The following BARHL2 variants were observed in gnomAD, a reference collection of about 807,000 sequenced individuals.
BARHL2 encodes BarH like homeobox 2.
BARHL2 carries 10 observed loss-of-function variants against 27.1 expected under a neutral mutation model. The observed-to-expected ratio is 0.37, with a 90% confidence interval of 0.23 to 0.63. BARHL2 has a LOEUF of 0.63. BARHL2 is among the 20% of genes least tolerant of loss of function. The pLI, the probability that BARHL2 is intolerant of heterozygous loss-of-function variation, is 0.65. For missense variants in BARHL2, 483 were observed against 533.5 expected (o/e 0.91, Z 0.93); for synonymous variants, 248 against 224.7 (o/e 1.10, Z -0.93).
chr1:90,715,031 A>T (rs979990816), intron 1 of BARHL2, among the ~76,000 whole-genome samples: 2 of 152,036 alleles, frequency 1.3e-5, no homozygotes, highest in African/African-American at 2.4e-5. Context: ...AAAAGTAAAA[A>T]TTTTTTTAAA....
chr1:90,714,273 C>T (rs1017965364), intron 2 of BARHL2, among the ~76,000 whole-genome samples: 1 of 152,196 alleles, frequency 6.6e-6, no homozygotes, highest in Non-Finnish European at 1.5e-5. Flanking sequence ...GGAATTCCAG[C>T]GGCTCGGGTT....
At chr1:90,713,278 T>C (rs1339718692) in intron 2 of BARHL2, among the ~76,000 whole-genome samples, 1 of 152,186 alleles carries the variant, frequency 6.6e-6, no homozygotes, top group African/African-American at 2.4e-5. Flanking sequence ...AAGGGCAAAG[T>C]ACCTCCTGGC....
intron 2 of BARHL2, among the ~76,000 whole-genome samples, chr1:90,713,357 T>C (rs917629064): frequency 7.2e-5 from 11 of 152,304 alleles, no homozygotes; most frequent in Non-Finnish European, 1.3e-4. Flanking sequence ...AATTAAAACC[T>C]GTGATCAGCT....
intron 2 of BARHL2, among the ~76,000 whole-genome samples, chr1:90,713,068 C>CCG (rs1658069485): frequency 6.6e-6 from 1 of 152,150 alleles, no homozygotes; most frequent in East Asian, 1.9e-4. Context: ...TCTTCCTTCC[C>CCG]CGCCAGGCTG....
intron 2 of BARHL2, among the ~76,000 whole-genome samples, chr1:90,713,920 G>A (rs922762043): frequency 1.1e-4 from 17 of 152,206 alleles, no homozygotes; most frequent in Admixed American, 6.5e-4. Flanking sequence ...CTCCCTGTCC[G>A]GATGCTTGGC....
At chr1:90,715,170 C>CTTTTT (rs35625130) in intron 1 of BARHL2, among the ~76,000 whole-genome samples, 10 of 66,314 alleles carry the variant, frequency 1.5e-4, no homozygotes, top group African/African-American at 2.5e-4. Context: ...TCCCTCTACT[C>CTTTTT]TTTTTTTTTT....
intron 2 of BARHL2, 56 bp downstream of exon 2, chr1:90,714,475 A>C: frequency 6.7e-7 from 1 of 1,497,134 alleles, no homozygotes; most frequent in Non-Finnish European, 9.3e-7. Context: ...AGATTGGTAT[A>C]ATGATCATGA....
chr1:90,716,426 T>C, intron 1 of BARHL2, 145 bp downstream of exon 1: 1 of 839,182 alleles, frequency 1.2e-6, no homozygotes. Context: ...AGGCCTCCCT[T>C]CAGCTGCAGT....
Position 90,712,197 on chromosome 1 carries a change from T to G in BARHL2, c.*115A>C. On this transcript the variant is annotated 3_prime_UTR_variant, in exon 3 of 3. Coordinates refer to ENST00000370445, the MANE Select transcript of BARHL2 (RefSeq NM_020063.2). Reference sequence around the variant, plus strand: ...CATCTTCCTCTCTTACTCCTCTGCCTTCCAGAGTTGGCTGCAAGGGAGGCC... The same window carrying G: ...CATCTTCCTCTCTTACTCCTCTGCCGTCCAGAGTTGGCTGCAAGGGAGGCC... 1 of 1,177,928 alleles carries G rather than the reference T, an allele frequency of 8.5e-7. No individual in the cohort carries two copies. Among genetic ancestry groups the G allele is most frequent in the East Asian group, 2.7e-5 (1 of 37,668 alleles). 73.0% of individuals were successfully genotyped at this position (1,177,928 alleles called of 1,614,324 possible). A position where few individuals can be genotyped will look rare whatever the true frequency, so the allele number is the denominator to read the frequency against.
intron 2 of BARHL2, among the ~76,000 whole-genome samples, chr1:90,714,089 T>C (rs1658095209): frequency 6.6e-6 from 1 of 152,176 alleles, no homozygotes. Flanking sequence ...GTGGGACAGC[T>C]CTGTGGGAAT....
intron 1 of BARHL2, among the ~76,000 whole-genome samples, chr1:90,715,514 C>A (rs1658126767): frequency 6.6e-6 from 1 of 152,082 alleles, no homozygotes; most frequent in African/African-American, 2.4e-5. Flanking sequence ...ATCTTCCCTG[C>A]AGGAAGAACA....
At chr1:90,714,850 C>A in intron 1 of BARHL2, 94 bp from the exon 2 acceptor site, 1 of 1,210,806 alleles carries the variant, frequency 8.3e-7, no homozygotes, top group South Asian at 1.3e-5. Context: ...CCCAAGCCAA[C>A]TACTGGCTTC....
intron 1 of BARHL2, among the ~76,000 whole-genome samples, chr1:90,715,234 T>C (rs1658121934): frequency 6.7e-6 from 1 of 150,194 alleles, no homozygotes; most frequent in Non-Finnish European, 1.5e-5. Flanking sequence ...TTCTCTTTTC[T>C]GAAAGTTATA....
rs1658153725 is a variant in BARHL2, at chr1:90,716,716, G to A, written c.480C>T (p.Tyr160=). 3 of 1,609,358 alleles carry A rather than the reference G, an allele frequency of 1.9e-6. No homozygotes were observed. The highest frequency in any genetic ancestry group is 2.7e-5 in the African/African-American group (2 of 74,860). The change falls in exon 1 of 3, where the codon TAC becomes TAT. Residue 160 remains tyrosine (Y), a synonymous_variant. Transcript: ENST00000370445. ...GGTGGGGAGAGGATACGCTGGTGCTGTAGGGTGCACATGCCGCCAGAGGTT... is the reference window on the plus strand; with the variant it reads ...GGTGGGGAGAGGATACGCTGGTGCTATAGGGTGCACATGCCGCCAGAGGTT... ...DSKPLAACAP[Y]STSVSSPHHT... is the part of the protein sequence containing the mutation.
At position 90,711,815 on chromosome 1, in the gene BARHL2, CCCT is replaced by C. The variant is rs1288472295; in HGVS notation, c.*494_*496del. 6.6e-6 allele frequency: 1 copy of C among 151,812 alleles called. No individual in the cohort carries two copies. Among genetic ancestry groups the C allele is most frequent in the Non-Finnish European group, 1.5e-5 (1 of 68,108 alleles). 9.4% of individuals were successfully genotyped at this position (151,812 alleles called of 1,614,324 possible). A position where few individuals can be genotyped will look rare whatever the true frequency, so the allele number is the denominator to read the frequency against. The stretch of plus-strand genomic sequence containing the variant: ...GAAATCAGTGCAAAGTTCTCAGTTA[CCCT>C]CCTCTTTTCTCTGGGGCAGACGGAA... On this transcript the variant is annotated 3_prime_UTR_variant, in exon 3 of 3. Coordinates refer to ENST00000370445, the MANE Select transcript of BARHL2 (RefSeq NM_020063.2).
chr1:90,712,104 T>G lies in BARHL2; in HGVS notation c.*208A>C. ...CTGTGGGGGAGATTTCCAGCCCTGTTTCTAGGGGTGGGGAGATGGAGAGCA... is the reference window on the plus strand; with the variant it reads ...CTGTGGGGGAGATTTCCAGCCCTGTGTCTAGGGGTGGGGAGATGGAGAGCA... On this transcript the variant is annotated 3_prime_UTR_variant, in exon 3 of 3. Coordinates refer to ENST00000370445, the MANE Select transcript of BARHL2 (RefSeq NM_020063.2). 1 of 457,720 alleles carries G rather than the reference T, an allele frequency of 2.2e-6. No homozygotes were observed. The highest frequency in any genetic ancestry group is 3.7e-6 in the Non-Finnish European group (1 of 270,462). 28.4% of individuals were successfully genotyped at this position (457,720 alleles called of 1,614,324 possible).
chr1:90,716,876 G>A lies in BARHL2; in HGVS notation c.320C>T (p.Pro107Leu), dbSNP rs1570608913. ...CAGCGGCTGCTGCTGTTGGGGCAAA[G>A]GCTGCAAACTTTGCGTCGGGGCCGC... ...PAAAPTQSLQ[P>L]LPQQQQPLPP... The change falls in exon 1 of 3, where the codon CCT becomes CTT. Residue 107 changes from proline to leucine, a missense_variant. Pro to Leu is a moderately conservative substitution (Grantham distance 98). Around this residue, in one of 3 missense-constraint regions of BARHL2, gnomAD observed 304 missense variants for 284.9 expected, o/e 1.07. Coordinates refer to ENST00000370445, the MANE Select transcript of BARHL2 (RefSeq NM_020063.2). 2 of 1,580,160 alleles carry A rather than the reference G, an allele frequency of 1.3e-6. No homozygotes were observed. Among genetic ancestry groups the A allele is most frequent in the Non-Finnish European group, 8.6e-7 (1 of 1,164,050 alleles).
intron 2 of BARHL2, among the ~76,000 whole-genome samples, chr1:90,714,230 G>A (rs1658098429): frequency 6.6e-6 from 1 of 152,256 alleles, no homozygotes; most frequent in Non-Finnish European, 1.5e-5. Flanking sequence ...ATTTGAGAAG[G>A]TGTGGCTTCA....
At chr1:90,716,440 T>C (rs1658145333) in intron 1 of BARHL2, 131 bp downstream of exon 1, 1 of 970,480 alleles carries the variant, frequency 1.0e-6, no homozygotes, top group Non-Finnish European at 1.6e-6. Flanking sequence ...CTGCAGTCTT[T>C]TGACCGTCGC....
Sources: allele counts gnomAD v4.1 joint callset (sites outside exome capture counted in the v4.1 genomes callset), GRCh38; gene constraint gnomAD v4.1.1; regional missense constraint gnomAD v4.1.1; transcripts MANE v1.5; gene names NCBI Gene and HGNC (gene_info 2026-07-23, HGNC 2026-07-21).